The following ME3 variants were observed in gnomAD, a reference collection of about 807,000 sequenced individuals.
The protein encoded by ME3 is malic enzyme 3, also known as NADP-dependent malic enzyme, mitochondrial.
A neutral mutation model predicts 68.9 loss-of-function variants in ME3; 48 were observed. The ratio of observed to expected loss-of-function variants is 0.70; its 90% CI spans 0.55 to 0.89. The LOEUF is 0.89. Among genes scored for constraint, ME3 ranks in the 40% least tolerant of loss-of-function variants. The pLI is 0.00. For synonymous variants in ME3, 320 were observed against 318.8 expected (o/e 1.00, Z -0.04); for missense variants, 675 against 797.4 (o/e 0.85, Z 1.85).
chr11:86,571,897 G>C (rs1957818711), intron 2 of ME3, among the ~76,000 whole-genome samples: 1 of 152,220 alleles, frequency 6.6e-6, no homozygotes, highest in Non-Finnish European at 1.5e-5. Flanking sequence ...GAGGAGCTTG[G>C]GATCCTCTTT....
At chr11:86,598,088 C>T (rs1395509561) in intron 2 of ME3, among the ~76,000 whole-genome samples, 1 of 152,092 alleles carries the variant, frequency 6.6e-6, no homozygotes, top group African/African-American at 2.4e-5. Context: ...GAGTGCCAGA[C>T]AGTGGGCGCA....
At chr11:86,531,990 A>AGTG (rs1955278389) in intron 4 of ME3, among the ~76,000 whole-genome samples, 2 of 147,900 alleles carry the variant, frequency 1.4e-5, no homozygotes, top group African/African-American at 5.1e-5. Flanking sequence ...AAAAAACCAA[A>AGTG]CCAAAAAAAA....
At chr11:86,542,308 G>A (rs1439874512) in intron 4 of ME3, among the ~76,000 whole-genome samples, 3 of 152,184 alleles carry the variant, frequency 2.0e-5, no homozygotes, top group Non-Finnish European at 4.4e-5. Flanking sequence ...GCATGACTTT[G>A]ATTAATTGAC....
At chr11:86,540,300 T>C (rs1443297270) in intron 4 of ME3, among the ~76,000 whole-genome samples, 1 of 152,176 alleles carries the variant, frequency 6.6e-6, no homozygotes, top group Non-Finnish European at 1.5e-5. Flanking sequence ...GGTTCTACTG[T>C]CCAGCCTGCC....
intron 2 of ME3, among the ~76,000 whole-genome samples, chr11:86,634,983 G>A (rs374679102): frequency 4.3e-4 from 65 of 152,262 alleles, no homozygotes; most frequent in South Asian, 4.2e-3. Context: ...TCTTTGCTCC[G>A]TTCTGGATGT....
At chr11:86,494,030 A>G (rs1952159635) in intron 6 of ME3, among the ~76,000 whole-genome samples, 1 of 149,956 alleles carries the variant, frequency 6.7e-6, no homozygotes. Context: ...TCTGGGGGGA[A>G]TATCTTGCAA....
chr11:86,473,406 G>A (rs1565826165), intron 7 of ME3, among the ~76,000 whole-genome samples: 1 of 152,150 alleles, frequency 6.6e-6, no homozygotes. Context: ...GGAAATGTTG[G>A]TCATCACAAA....
chr11:86,663,831 C>CA (rs1946430428), intron 2 of ME3, among the ~76,000 whole-genome samples: 1 of 151,874 alleles, frequency 6.6e-6, no homozygotes, highest in Non-Finnish European at 1.5e-5. Flanking sequence ...AAAAAGTGTC[C>CA]AAAAAAACGC....
intron 7 of ME3, among the ~76,000 whole-genome samples, chr11:86,486,853 A>G (rs1951723057): frequency 6.6e-6 from 1 of 152,244 alleles, no homozygotes; most frequent in Non-Finnish European, 1.5e-5. Flanking sequence ...ATGACACCTC[A>G]TAAATCTTGC....
chr11:86,556,149 A>G (rs1208451783), intron 4 of ME3, among the ~76,000 whole-genome samples: 2 of 152,224 alleles, frequency 1.3e-5, no homozygotes, highest in Non-Finnish European at 2.9e-5. Context: ...AAACATCAAA[A>G]GAATTCAGTC....
chr11:86,535,192 T>A (rs1423278742), intron 4 of ME3, among the ~76,000 whole-genome samples: 1 of 152,224 alleles, frequency 6.6e-6, no homozygotes, highest in East Asian at 1.9e-4. Context: ...GGTAATTTTC[T>A]CTGCTCCTTA....
exon 13 of ME3, chr11:86,446,385 C>T (rs748084302): frequency 3.6e-5 from 58 of 1,614,054 alleles, no homozygotes; most frequent in Non-Finnish European, 4.7e-5. Context: ...AGTGCCACCC[C>T]GGGGAACACG....
intron 2 of ME3, among the ~76,000 whole-genome samples, chr11:86,597,870 T>G (rs1251161072): frequency 6.6e-6 from 1 of 152,086 alleles, no homozygotes; most frequent in Non-Finnish European, 1.5e-5. Context: ...TTATCATATC[T>G]TAAATGTATT....
chr11:86,505,186 TGAAAAATACACATCA>T (rs1207235031), intron 5 of ME3, among the ~76,000 whole-genome samples: 1 of 151,470 alleles, frequency 6.6e-6, no homozygotes, highest in East Asian at 2.0e-4. Context: ...CTAAAGTAAC[TGAAAAATACACATCA>T]GAAAACAAGA....
chr11:86,601,211 C>T (rs1466075982), intron 2 of ME3, among the ~76,000 whole-genome samples: 4 of 151,066 alleles, frequency 2.6e-5, no homozygotes, highest in African/African-American at 9.7e-5. Flanking sequence ...GCTAGCAAGA[C>T]TAATAAAGAA....
intron 8 of ME3, among the ~76,000 whole-genome samples, chr11:86,458,515 A>T (rs909155813): frequency 5.3e-5 from 8 of 152,122 alleles, no homozygotes; most frequent in Non-Finnish European, 1.2e-4. Flanking sequence ...CTGTTGCAAC[A>T]GCTAAAAGGG....
intron 2 of ME3, among the ~76,000 whole-genome samples, chr11:86,663,364 C>T (rs115079702): frequency 0.012 from 1,880 of 152,262 alleles, 46 homozygotes; most frequent in African/African-American, 0.043. Flanking sequence ...AATTGTGTTT[C>T]AACTGGGCTG....
intron 5 of ME3, among the ~76,000 whole-genome samples, 169 bp downstream of exon 5, chr11:86,508,623 C>T (rs1383945808): frequency 6.6e-6 from 1 of 152,162 alleles, no homozygotes; most frequent in Non-Finnish European, 1.5e-5. Flanking sequence ...CAAACCTCTG[C>T]TCTGTGGTGT....
At chr11:86,549,195 C>T (rs1268319657) in intron 4 of ME3, among the ~76,000 whole-genome samples, 26 of 152,234 alleles carry the variant, frequency 1.7e-4, no homozygotes, top group Admixed American at 1.6e-3. Context: ...TTACCTAAGG[C>T]AGAAGTTCAC....
Sources: gnomAD v4.1 joint callset for allele counts (sites outside exome capture counted in the v4.1 genomes callset) on GRCh38, gnomAD v4.1.1 for gene constraint, MANE v1.5 for transcripts, NCBI Gene and HGNC (gene_info 2026-07-23, HGNC 2026-07-21) for gene names.